SLC35D4: variants seen among roughly 807,000 people sequenced by gnomAD.
The protein encoded by SLC35D4 is solute carrier family 35 member D4.
the SLC35D4 span, among the ~76,000 whole-genome samples, chr18:23,272,491 A>C: frequency 3.1e-4 from 47 of 152,300 alleles, 1 homozygote; most frequent in African/African-American, 1.1e-3. Flanking sequence ...AAAATGGAAT[A>C]AAAATAAAAA....
the SLC35D4 span, among the ~76,000 whole-genome samples, chr18:23,425,613 C>A: frequency 6.6e-6 from 1 of 152,186 alleles, no homozygotes; most frequent in East Asian, 1.9e-4. Context: ...GCTGCTACTG[C>A]CCAGCATCAG....
the SLC35D4 span, among the ~76,000 whole-genome samples, chr18:23,407,063 G>A: frequency 6.6e-6 from 1 of 152,102 alleles, no homozygotes; most frequent in South Asian, 2.1e-4. Context: ...TCCCACCTCA[G>A]CCTCCCAAAG....
At chr18:23,381,480 C>T in the SLC35D4 span, among the ~76,000 whole-genome samples, 2 of 152,160 alleles carry the variant, frequency 1.3e-5, no homozygotes, top group Non-Finnish European at 2.9e-5. Flanking sequence ...TTTTTGATTA[C>T]AGGCATGAGC....
the SLC35D4 span, chr18:23,253,982 C>T: frequency 6.5e-7 from 1 of 1,529,648 alleles, no homozygotes; most frequent in Non-Finnish European, 9.1e-7. Context: ...ATGCTCCGGT[C>T]CGGGGTTCCT....
chr18:23,420,515 A>G, the SLC35D4 span, among the ~76,000 whole-genome samples: 3 of 151,762 alleles, frequency 2.0e-5, 1 homozygote, highest in Non-Finnish European at 4.4e-5. Flanking sequence ...CAGGAAACAC[A>G]GGCATGCACC....
chr18:23,407,710 T>C, the SLC35D4 span, among the ~76,000 whole-genome samples: 9 of 152,102 alleles, frequency 5.9e-5, no homozygotes, highest in African/African-American at 1.9e-4. Context: ...CCCAAGAAAC[T>C]AGCAATTTTT....
chr18:23,431,153 C>CAA, the SLC35D4 span, among the ~76,000 whole-genome samples: 62 of 66,222 alleles, frequency 9.4e-4, no homozygotes, highest in African/African-American at 2.0e-3. Flanking sequence ...GAGTATATCT[C>CAA]AAAAAAAAAA....
the SLC35D4 span, among the ~76,000 whole-genome samples, chr18:23,243,942 T>C: frequency 6.6e-6 from 1 of 151,992 alleles, no homozygotes; most frequent in African/African-American, 2.4e-5. Context: ...CAGCATCTGC[T>C]CTCTATGTAT....
the SLC35D4 span, among the ~76,000 whole-genome samples, chr18:23,381,776 G>C: frequency 6.6e-6 from 1 of 152,184 alleles, no homozygotes; most frequent in African/African-American, 2.4e-5. Context: ...CCCTGCTAGA[G>C]GGAAACATCC....
chr18:23,411,083 T>G, the SLC35D4 span, among the ~76,000 whole-genome samples: 1 of 151,406 alleles, frequency 6.6e-6, no homozygotes, highest in Non-Finnish European at 1.5e-5. Flanking sequence ...TGGTGGGATC[T>G]CAGGTCTCTG....
At chr18:23,351,003 G>GT in the SLC35D4 span, among the ~76,000 whole-genome samples, 3 of 152,128 alleles carry the variant, frequency 2.0e-5, no homozygotes, top group Non-Finnish European at 2.9e-5. Context: ...CTTTCTAGCT[G>GT]TTTTTTGGGA....
At chr18:23,335,020 G>A in the SLC35D4 span, among the ~76,000 whole-genome samples, 1 of 151,074 alleles carries the variant, frequency 6.6e-6, no homozygotes. Context: ...AAAAAAGAAA[G>A]CAAGCAAGCA....
the SLC35D4 span, among the ~76,000 whole-genome samples, chr18:23,324,598 G>A: frequency 6.6e-6 from 1 of 152,194 alleles, no homozygotes; most frequent in African/African-American, 2.4e-5. Flanking sequence ...CCCACGCTGG[G>A]TTAGCTAAAG....
At chr18:23,252,244 CAG>C in the SLC35D4 span, among the ~76,000 whole-genome samples, 1 of 152,082 alleles carries the variant, frequency 6.6e-6, no homozygotes, top group African/African-American at 2.4e-5. Flanking sequence ...ATTTAATGGG[CAG>C]AGTGTTTCAA....
chr18:23,428,723 C>A, the SLC35D4 span, among the ~76,000 whole-genome samples: 1 of 150,924 alleles, frequency 6.6e-6, no homozygotes. Flanking sequence ...GGTGCTTGTG[C>A]AGATTTGCTA....
chr18:23,343,826 T>C, the SLC35D4 span, among the ~76,000 whole-genome samples: 1 of 152,182 alleles, frequency 6.6e-6, no homozygotes, highest in African/African-American at 2.4e-5. Context: ...TTTGGTGTTC[T>C]ATTCCTATGT....
At chr18:23,250,948 C>G in the SLC35D4 span, among the ~76,000 whole-genome samples, 1 of 152,202 alleles carries the variant, frequency 6.6e-6, no homozygotes, top group Non-Finnish European at 1.5e-5. Flanking sequence ...TGCTTGCCTC[C>G]TCCTTGCTAC....
chr18:23,425,835 C>G, the SLC35D4 span, among the ~76,000 whole-genome samples: 3 of 152,088 alleles, frequency 2.0e-5, no homozygotes, highest in Non-Finnish European at 4.4e-5. Context: ...AAGGATTATA[C>G]AATAAATGAG....
the SLC35D4 span, among the ~76,000 whole-genome samples, chr18:23,370,449 C>T: frequency 2.6e-5 from 4 of 152,290 alleles, no homozygotes; most frequent in East Asian, 7.7e-4. Context: ...TTCAAGGATA[C>T]AAATTCAATA....
Sources: allele counts gnomAD v4.1 joint callset (sites outside exome capture counted in the v4.1 genomes callset), GRCh38; gene constraint gnomAD v4.1.1; transcripts MANE v1.5; gene names NCBI Gene and HGNC (gene_info 2026-07-23, HGNC 2026-07-21).